The following CHODL variants were observed in gnomAD, a reference collection of about 807,000 sequenced individuals.
CHODL encodes transmembrane protein MT75.
Under a neutral mutation model 34.5 loss-of-function variants are expected in CHODL, and 29 were observed. The ratio of observed to expected loss-of-function variants is 0.84; its 90% CI spans 0.63 to 1.15. CHODL has a LOEUF of 1.15. Ranked by LOEUF, CHODL falls within the 50% of genes most tolerant of loss-of-function variation. The probability of loss-of-function intolerance (pLI) is 0.00; values close to 1 mark genes in which losing one functional copy is unlikely to be tolerated. For missense variants in CHODL, 332 were observed against 332.5 expected (o/e 1.00, Z 0.01); for synonymous variants, 125 against 116.1 (o/e 1.08, Z -0.49).
chr21:18,250,516 G>T (rs144563460), intron 1 of CHODL, among the ~76,000 whole-genome samples: 1 of 151,852 alleles, frequency 6.6e-6, no homozygotes, highest in East Asian at 1.9e-4. Context: ...AGTGCACTAT[G>T]CAATTAAGTA....
At chr21:18,099,578 G>A (rs759193379) in intron 2 of CHODL, among the ~76,000 whole-genome samples, 21 of 151,862 alleles carry the variant, frequency 1.4e-4, no homozygotes, top group Non-Finnish European at 1.8e-4. Flanking sequence ...CTTTCAAAAA[G>A]CCATCCAATA....
intron 2 of CHODL, among the ~76,000 whole-genome samples, chr21:18,155,958 C>T (rs2073029248): frequency 6.6e-6 from 1 of 152,170 alleles, no homozygotes; most frequent in Admixed American, 6.5e-5. Context: ...TTTAAAGGCC[C>T]TGTGGACATG....
chr21:18,140,896 G>C, intron 2 of CHODL, among the ~76,000 whole-genome samples: 1 of 151,946 alleles, frequency 6.6e-6, no homozygotes, highest in East Asian at 1.9e-4. Flanking sequence ...ATACAAAGAC[G>C]TGTATTGTTT....
chr21:18,014,975 C>T (rs776618912), intron 1 of CHODL, among the ~76,000 whole-genome samples: 171 of 152,176 alleles, frequency 1.1e-3, no homozygotes, highest in Non-Finnish European at 1.6e-3. Context: ...GGGTAATGGG[C>T]AGATGTTGGA....
chr21:18,177,990 T>C (rs2146671658), intron 2 of CHODL, among the ~76,000 whole-genome samples: 1 of 152,280 alleles, frequency 6.6e-6, no homozygotes, highest in South Asian at 2.1e-4. Context: ...TCTCAATATT[T>C]TCATTTCCTC....
At chr21:18,265,192 T>TAC (rs142155198) in intron 5 of CHODL, among the ~76,000 whole-genome samples, 41 of 146,666 alleles carry the variant, frequency 2.8e-4, no homozygotes, top group East Asian at 7.8e-4. Flanking sequence ...TATATATATA[T>TAC]ACACACACAC....
chr21:18,193,130 A>G (rs2073530972), intron 2 of CHODL, among the ~76,000 whole-genome samples: 1 of 152,228 alleles, frequency 6.6e-6, no homozygotes, highest in African/African-American at 2.4e-5. Context: ...ACTGACTAGC[A>G]TTAGAATTAA....
Position 18,256,504 on chromosome 21 carries a change from TTC to T in CHODL, c.80-4_80-3del, listed in dbSNP as rs1491321106. 5 of 1,577,884 alleles carry T rather than the reference TTC, an allele frequency of 3.2e-6. No homozygotes were observed. The highest frequency in any genetic ancestry group is 1.4e-5 in the African/African-American group (1 of 72,604). ...AATATATGGGCATCTTTTTTTTTTT[TTC>T]AGGCCAAAAGGTGTGTTTTGCTGAC... On this transcript the variant is annotated splice_region_variant and splice_polypyrimidine_tract_variant and intron_variant, in intron 1 of 5. Transcript: ENST00000299295.
rs34024669 is a variant in CHODL, at chr21:18,008,312, T to TTG, written c.-144-19538_-144-19537dup. Among the ~76,000 whole-genome samples the TTG allele has an allele frequency of 1.5e-3, 226 of 148,718 alleles. 1 individual carries two copies. Among genetic ancestry groups the TTG allele is most frequent in the East Asian group, 3.2e-3 (16 of 5,066 alleles). On this transcript the variant is annotated intron_variant, in intron 1 of 6. Transcript: ENST00000400127. ...TTATAATCTCCAAAAATTTCTTTGT[T>TTG]TGTGTGTGTGTGTGTGTGTGTGTTG...
chr21:17,946,491 A>C (rs2063410570), intron 1 of CHODL, among the ~76,000 whole-genome samples: 1 of 152,192 alleles, frequency 6.6e-6, no homozygotes, highest in African/African-American at 2.4e-5. Context: ...AGGAGTTTTC[A>C]AGCTGAAAAG....
intron 1 of CHODL, among the ~76,000 whole-genome samples, chr21:17,938,210 T>A (rs572562449): frequency 6.6e-6 from 1 of 152,302 alleles, no homozygotes; most frequent in African/African-American, 2.4e-5. Flanking sequence ...GCAAAAACGC[T>A]GCCATTTCTA....
At chr21:18,063,303 T>C (rs1156403206) in intron 2 of CHODL, among the ~76,000 whole-genome samples, 2 of 152,236 alleles carry the variant, frequency 1.3e-5, no homozygotes, top group African/African-American at 2.4e-5. Flanking sequence ...GAAGGTTGTG[T>C]CAATGAACAC....
intron 2 of CHODL, among the ~76,000 whole-genome samples, chr21:18,238,398 CA>C (rs2074049532): frequency 6.6e-6 from 1 of 152,008 alleles, no homozygotes; most frequent in South Asian, 2.1e-4. Flanking sequence ...GAGAAAGATG[CA>C]AAACAGGAAA....
intron 2 of CHODL, among the ~76,000 whole-genome samples, chr21:18,163,390 A>G (rs2146646660): frequency 6.6e-6 from 1 of 152,310 alleles, no homozygotes; most frequent in South Asian, 2.1e-4. Context: ...TGAACAAATT[A>G]AACCATTTTG....
At chr21:18,066,940 T>C (rs1163779231) in intron 2 of CHODL, among the ~76,000 whole-genome samples, 1 of 152,140 alleles carries the variant, frequency 6.6e-6, no homozygotes, top group Non-Finnish European at 1.5e-5. Context: ...CCAGACCTGA[T>C]GACACCTTGA....
At chr21:18,178,916 C>A (rs139291472) in intron 2 of CHODL, among the ~76,000 whole-genome samples, 62 of 152,276 alleles carry the variant, frequency 4.1e-4, no homozygotes, top group African/African-American at 1.4e-3. Context: ...AGCTTTGATA[C>A]ACATACCCTA....
At chr21:18,120,337 T>G (rs1161228268) in intron 2 of CHODL, among the ~76,000 whole-genome samples, 1 of 152,168 alleles carries the variant, frequency 6.6e-6, no homozygotes, top group Non-Finnish European at 1.5e-5. Flanking sequence ...CGAGTTGAAC[T>G]GGGAAATTAA....
At chr21:18,017,364 G>T (rs2064085358) in intron 1 of CHODL, among the ~76,000 whole-genome samples, 1 of 152,202 alleles carries the variant, frequency 6.6e-6, no homozygotes, top group Non-Finnish European at 1.5e-5. Flanking sequence ...CACATTGGTT[G>T]TTTAAAAGTG....
At chr21:18,119,798 C>T (rs1568896190) in intron 2 of CHODL, among the ~76,000 whole-genome samples, 2 of 151,954 alleles carry the variant, frequency 1.3e-5, no homozygotes, top group Non-Finnish European at 2.9e-5. Flanking sequence ...GAAGGAACCT[C>T]AAGAATCATC....
Sources: allele counts gnomAD v4.1 joint callset (sites outside exome capture counted in the v4.1 genomes callset), GRCh38; gene constraint gnomAD v4.1.1; transcripts MANE v1.5; gene names NCBI Gene and HGNC (gene_info 2026-07-23, HGNC 2026-07-21).